The following TMEM135 variants were observed in gnomAD, a reference collection of about 807,000 sequenced individuals.
The protein encoded by TMEM135 is transmembrane protein 135.
Under a neutral mutation model 60.3 loss-of-function variants are expected in TMEM135, and 30 were observed. The observed-to-expected ratio is 0.50, with a 90% CI of 0.37 to 0.68. The LOEUF (loss-of-function observed/expected upper bound fraction) is 0.68. TMEM135 is among the 30% of genes least tolerant of loss of function. TMEM135 has a pLI of 0.00. For missense variants in TMEM135, 468 were observed against 548.8 expected (o/e 0.85, Z 1.47); for synonymous variants, 190 against 186.7 (o/e 1.02, Z -0.14).
intron 4 of TMEM135, among the ~76,000 whole-genome samples, chr11:87,137,179 T>G (rs2135240198): frequency 6.6e-6 from 1 of 152,214 alleles, no homozygotes; most frequent in East Asian, 1.9e-4. Context: ...TGCAAAAACA[T>G]TTAAGTTTGT....
At chr11:87,072,377 T>G (rs1032419477) in intron 3 of TMEM135, among the ~76,000 whole-genome samples, 3 of 152,190 alleles carry the variant, frequency 2.0e-5, no homozygotes, top group Non-Finnish European at 4.4e-5. Flanking sequence ...ATTATTATTA[T>G]TACTAATTTA....
chr11:87,248,548 T>A (rs1941342914), intron 6 of TMEM135, among the ~76,000 whole-genome samples: 1 of 152,216 alleles, frequency 6.6e-6, no homozygotes. Context: ...TCAGGTAATA[T>A]GATTCTTCCA....
rs946767882 is a variant in TMEM135 at position 87,215,828 on chromosome 11, C to T, written c.463-20810C>T. On this transcript the variant is annotated intron_variant, in intron 5 of 14. Transcript: ENST00000305494. ...ACTTTTCCTTTGCTTTCAACTATAA[C>T]TTCATTGTTATTTATATGTTTCCCT... is the stretch of plus-strand genomic sequence containing the variant. Among the ~76,000 whole-genome samples the T allele has an allele frequency of 1.2e-4, 18 of 152,088 alleles. 1 individual carries two copies. The highest frequency in any genetic ancestry group is 4.3e-4 in the African/African-American group (18 of 41,418).
chr11:87,272,354 C>G (rs2135412126), intron 6 of TMEM135, among the ~76,000 whole-genome samples: 1 of 152,230 alleles, frequency 6.6e-6, no homozygotes, highest in East Asian at 1.9e-4. Flanking sequence ...CCGCACCTAG[C>G]CAGCTTGCAT....
intron 4 of TMEM135, among the ~76,000 whole-genome samples, chr11:87,146,693 G>A (rs2135253147): frequency 6.6e-6 from 1 of 152,248 alleles, no homozygotes; most frequent in African/African-American, 2.4e-5. Context: ...TACTAAACTA[G>A]ACCTTGGATT....
At chr11:87,103,523 G>A (rs1289732943) in intron 4 of TMEM135, among the ~76,000 whole-genome samples, 1 of 142,412 alleles carries the variant, frequency 7.0e-6, no homozygotes, top group Non-Finnish European at 1.5e-5. Context: ...AGAAATGTCT[G>A]TTCAGGTCCT....
At chr11:87,277,400 A>G (rs1272091894) in intron 6 of TMEM135, 4 of 248,848 alleles carry the variant, frequency 1.6e-5, no homozygotes, top group South Asian at 3.5e-5. Flanking sequence ...CAAAGTGCTG[A>G]GATTACAGGT....
chr11:87,189,087 C>T (rs1414423329), intron 5 of TMEM135, among the ~76,000 whole-genome samples: 1 of 151,410 alleles, frequency 6.6e-6, no homozygotes, highest in East Asian at 1.9e-4. Context: ...TCCTTTCTTT[C>T]CTTCCTTTTC....
At chr11:87,070,081 G>A (rs1275175440) in intron 2 of TMEM135, among the ~76,000 whole-genome samples, 1 of 151,988 alleles carries the variant, frequency 6.6e-6, no homozygotes, top group Non-Finnish European at 1.5e-5. Context: ...CTGAGGCCAG[G>A]AGGATCCCTT....
chr11:87,189,451 G>A (rs1229027883), intron 5 of TMEM135, among the ~76,000 whole-genome samples: 4 of 152,064 alleles, frequency 2.6e-5, no homozygotes, highest in African/African-American at 7.2e-5. Context: ...GTGAGCCACC[G>A]TGCCCAGCCT....
intron 6 of TMEM135, among the ~76,000 whole-genome samples, chr11:87,288,782 C>T (rs924035619): frequency 6.6e-6 from 1 of 151,980 alleles, no homozygotes; most frequent in African/African-American, 2.4e-5. Context: ...TTCACTACAC[C>T]ATGCGTTGCC....
chr11:87,084,673 A>C (rs1293612501), intron 3 of TMEM135, among the ~76,000 whole-genome samples: 1 of 152,198 alleles, frequency 6.6e-6, no homozygotes, highest in Admixed American at 6.5e-5. Context: ...TGAGAGATTG[A>C]ATACCTTCTC....
At chr11:87,265,594 A>G (rs1289334823) in intron 6 of TMEM135, among the ~76,000 whole-genome samples, 1 of 152,072 alleles carries the variant, frequency 6.6e-6, no homozygotes, top group East Asian at 1.9e-4. Context: ...TGCACCTTTT[A>G]TGAAATATTT....
chr11:87,066,083 GAGAAGATGCCA>G (rs1395402130), intron 1 of TMEM135, among the ~76,000 whole-genome samples: 1 of 152,166 alleles, frequency 6.6e-6, no homozygotes, highest in Non-Finnish European at 1.5e-5. Context: ...CAGAAGAATT[GAGAAGATGCCA>G]TTAGATTTGT....
intron 3 of TMEM135, among the ~76,000 whole-genome samples, chr11:87,078,993 T>C (rs1281425593): frequency 3.3e-5 from 5 of 152,022 alleles, no homozygotes; most frequent in Non-Finnish European, 7.4e-5. Flanking sequence ...TTTATTTTAC[T>C]TTATTATTTA....
rs2134551955 is a variant in TMEM135 at position 87,327,118 on chromosome 11, C to T, written c.*5785C>T. The stretch of plus-strand genomic sequence containing the variant: ...TTTCATGTCTTTCCTTTCTTCTTGT[C>T]CAGATACTTTTCCAACCAGCCTTTA... On this transcript the variant is annotated 3_prime_UTR_variant, in exon 15 of 15. Coordinates refer to ENST00000305494, the MANE Select transcript of TMEM135 (RefSeq NM_022918.4). 1 of 453,942 alleles carries T rather than the reference C, an allele frequency of 2.2e-6. No homozygotes were observed. The highest frequency in any genetic ancestry group is 2.0e-5 in the African/African-American group (1 of 50,078). The allele number at this position is 453,942 out of a possible 1,614,324, so 28.1% of individuals were successfully genotyped here. A position where few individuals can be genotyped will look rare whatever the true frequency, so the allele number is the denominator to read the frequency against.
At chr11:87,274,786 CTGTGTGTGTG>C (rs10655114) in intron 6 of TMEM135, among the ~76,000 whole-genome samples, 76 of 129,286 alleles carry the variant, frequency 5.9e-4, no homozygotes, top group African/African-American at 9.5e-4. Context: ...CATAGCAAGA[CTGTGTGTGTG>C]TGTGTGTGTG....
At chr11:87,123,252 G>T (rs898476810) in intron 4 of TMEM135, among the ~76,000 whole-genome samples, 1 of 140,786 alleles carries the variant, frequency 7.1e-6, no homozygotes, top group Non-Finnish European at 1.6e-5. Context: ...TGAAAGCAAG[G>T]TGTTGGCAGA....
At chr11:87,082,879 A>G (rs936724136) in intron 3 of TMEM135, among the ~76,000 whole-genome samples, 4 of 152,228 alleles carry the variant, frequency 2.6e-5, no homozygotes, top group African/African-American at 4.8e-5. Context: ...TAATAGTGCA[A>G]TCTTTACTCT....
Sources: gnomAD v4.1 joint callset for allele counts (sites outside exome capture counted in the v4.1 genomes callset) on GRCh38, gnomAD v4.1.1 for gene constraint, MANE v1.5 for transcripts, NCBI Gene and HGNC (gene_info 2026-07-23, HGNC 2026-07-21) for gene names.